Variants in NMU observed in about 807,000 individuals in gnomAD.
NMU encodes the protein neuromedin-U.
A neutral mutation model predicts 35.4 loss-of-function variants in NMU; 29 were observed. That is an observed-to-expected ratio of 0.82 (90% CI 0.61 to 1.12). NMU has a LOEUF of 1.12. NMU is among the 50% of genes most tolerant of loss of function. NMU has a pLI of 0.00. For synonymous variants in NMU, 78 were observed against 81.3 expected (o/e 0.96, Z 0.22); for missense variants, 199 against 206.2 (o/e 0.97, Z 0.21).
chr4:55,627,487 TATTAA>T lies in NMU; in HGVS notation c.171+2910_171+2914del, dbSNP rs1057182910. 5.4e-4 allele frequency among the ~76,000 whole-genome samples: 82 copies of T among 152,008 alleles called. 1 individual carries two copies. The highest frequency in any genetic ancestry group is 1.8e-3 in the Admixed American group (28 of 15,274). The stretch of plus-strand genomic sequence containing the variant: ...ATGAGGAAAATTGATATTTTTATTA[TATTAA>T]ATTAATTGTTTCATCCAAGAGAGAA... On this transcript the variant is annotated intron_variant, in intron 2 of 9. Coordinates refer to ENST00000264218, the MANE Select transcript of NMU (RefSeq NM_006681.4).
At chr4:55,610,261 G>A (rs957381211) in intron 3 of NMU, among the ~76,000 whole-genome samples, 15 of 151,994 alleles carry the variant, frequency 9.9e-5, no homozygotes, top group Non-Finnish European at 2.1e-4. Flanking sequence ...TCAGGAATTC[G>A]AGACCAGCCT....
intron 3 of NMU, among the ~76,000 whole-genome samples, chr4:55,613,502 G>T (rs921103865): frequency 1.3e-5 from 2 of 152,040 alleles, no homozygotes; most frequent in African/African-American, 2.4e-5. Context: ...GTTGTGTACC[G>T]AATTGCCCAC....
At chr4:55,633,030 C>CTAATA (rs1715695902) in intron 1 of NMU, among the ~76,000 whole-genome samples, 2 of 148,780 alleles carry the variant, frequency 1.3e-5, no homozygotes, top group Non-Finnish European at 1.5e-5. Flanking sequence ...TTATAGAAAA[C>CTAATA]GACTAATATC....
chr4:55,626,455 A>G (rs1022247502), intron 2 of NMU, among the ~76,000 whole-genome samples: 1 of 152,242 alleles, frequency 6.6e-6, no homozygotes, highest in African/African-American at 2.4e-5. Context: ...CTGTAATTCT[A>G]GCACTTTGGG....
intron 3 of NMU, among the ~76,000 whole-genome samples, chr4:55,612,220 C>T (rs73236162): frequency 0.051 from 7,826 of 152,258 alleles, 239 homozygotes; most frequent in Non-Finnish European, 0.076. Flanking sequence ...CAGTGAGACC[C>T]CCATCTTTAC....
chr4:55,618,611 TTC>T (rs1734206527), intron 2 of NMU, among the ~76,000 whole-genome samples: 1 of 151,920 alleles, frequency 6.6e-6, no homozygotes, highest in South Asian at 2.1e-4. Context: ...TCTCCTTCTT[TTC>T]TCTCTCCTCT....
chr4:55,610,056 T>G (rs1322810821), intron 3 of NMU, among the ~76,000 whole-genome samples: 2 of 152,206 alleles, frequency 1.3e-5, no homozygotes, highest in African/African-American at 4.8e-5. Flanking sequence ...TAATTTCCGT[T>G]TCTTCAGCTC....
intron 1 of NMU, among the ~76,000 whole-genome samples, chr4:55,631,431 AAAGGACTAGTATCCAGAATCTATGAGG>A (rs1428393756): frequency 5.3e-5 from 8 of 152,236 alleles, no homozygotes; most frequent in African/African-American, 1.9e-4. Context: ...TGCATCCAAC[AAAGGACTAGTATCCAGAATCTATGAGG>A]AACTCAAATC....
At chr4:55,609,609 G>C (rs1733849774) in intron 3 of NMU, among the ~76,000 whole-genome samples, 1 of 152,166 alleles carries the variant, frequency 6.6e-6, no homozygotes, top group African/African-American at 2.4e-5. Context: ...TGGCTAATTT[G>C]AAAATCCTGC....
Position 55,626,564 on chromosome 4 carries a change from G to A in NMU, c.171+3838C>T, listed in dbSNP as rs569330644. ...CACTTAAAATACAAAAAAATTAGCC[G>A]GCCGTGGTGGCACGTGCCTGTAGTC... is the stretch of plus-strand genomic sequence containing the variant. On this transcript the variant is annotated intron_variant, in intron 2 of 9. Transcript: ENST00000264218. 1.4e-4 allele frequency among the ~76,000 whole-genome samples: 22 copies of A among 152,168 alleles called. 2 individuals carry two copies. In the South Asian group the frequency reaches 3.5e-3, roughly 24 times the overall value.
chr4:55,636,454 G>T, upstream of NMU: 1 of 440,174 alleles, frequency 2.3e-6, no homozygotes, highest in Non-Finnish European at 3.9e-6. The surrounding 1 kb of genome is among the most constrained non-coding windows in gnomAD (Gnocchi z 4.0). Flanking sequence ...AGCAGGACCC[G>T]AGCCCCCTAG....
intron 3 of NMU, among the ~76,000 whole-genome samples, chr4:55,612,922 A>C (rs1286252305): frequency 6.6e-6 from 1 of 152,206 alleles, no homozygotes; most frequent in Non-Finnish European, 1.5e-5. Flanking sequence ...CAATGTTTTA[A>C]AATTGTATCA....
intron 5 of NMU, 39 bp from the exon 6 acceptor site, chr4:55,607,387 A>G (rs1733731292): frequency 7.2e-7 from 1 of 1,386,382 alleles, no homozygotes; most frequent in Non-Finnish European, 1.0e-6. Context: ...ATAAAAATTA[A>G]TGGTTCCCTT....
chr4:55,607,261 A>C, intron 6 of NMU, 37 bp downstream of exon 6: 1 of 1,454,816 alleles, frequency 6.9e-7, no homozygotes, highest in Non-Finnish European at 9.6e-7. Context: ...TTTTAAACAA[A>C]TATTAGTGAT....
intron 3 of NMU, among the ~76,000 whole-genome samples, chr4:55,613,655 ACT>A (rs1734016666): frequency 6.6e-6 from 1 of 152,162 alleles, no homozygotes; most frequent in Admixed American, 6.6e-5. Context: ...TAACGCAGAC[ACT>A]GAGTGTGGCC....
chr4:55,597,983 C>T (rs893936049), intron 9 of NMU, among the ~76,000 whole-genome samples: 1 of 150,108 alleles, frequency 6.7e-6, no homozygotes, highest in East Asian at 1.9e-4. Context: ...CTTTGTTTAC[C>T]GTCCTTCTAC....
Position 55,607,484 on chromosome 4 carries a change from T to G in NMU, c.280-18A>C. On this transcript the variant is annotated intron_variant, in intron 4 of 9. Transcript: ENST00000264218. ...TCTTGTTCCTATTGAAAAGAGATAT[T>G]GTATATATCATTATATATTGTAAAA... 1 of 845,790 alleles carries G rather than the reference T, an allele frequency of 1.2e-6. No homozygotes were observed. Among genetic ancestry groups the G allele is most frequent in the Non-Finnish European group, 1.9e-6 (1 of 528,332 alleles). The allele number at this position is 845,790 out of a possible 1,614,324, so 52.4% of individuals were successfully genotyped here. A position where few individuals can be genotyped will look rare whatever the true frequency, so the allele number is the denominator to read the frequency against.
intron 7 of NMU, among the ~76,000 whole-genome samples, chr4:55,603,857 A>G (rs1733528436): frequency 6.9e-6 from 1 of 144,704 alleles, no homozygotes; most frequent in Non-Finnish European, 1.5e-5. Flanking sequence ...GCTTGCAGTG[A>G]GCCGAGATCA....
chr4:55,607,721 G>C (rs1733749181), intron 4 of NMU, among the ~76,000 whole-genome samples: 1 of 152,064 alleles, frequency 6.6e-6, no homozygotes, highest in South Asian at 2.1e-4. Flanking sequence ...TAAAAAATTG[G>C]AAACATCCTA....
Sources: allele counts gnomAD v4.1 joint callset (sites outside exome capture counted in the v4.1 genomes callset), GRCh38; gene constraint gnomAD v4.1.1; non-coding constraint Gnocchi (gnomAD v3.1); transcripts MANE v1.5; gene names NCBI Gene and HGNC (gene_info 2026-07-23, HGNC 2026-07-21).